Variants in KPNA1 observed in about 807,000 individuals in gnomAD.
KPNA1 encodes importin subunit alpha-5.
A neutral mutation model predicts 70.5 loss-of-function variants in KPNA1; 10 were observed. The observed-to-expected ratio is 0.14, with a 90% CI of 0.09 to 0.24. The LOEUF is 0.24. Ranked by LOEUF, KPNA1 falls within the 10% of genes least tolerant of loss-of-function variation. The probability of loss-of-function intolerance (pLI) is 1.00; values close to 1 mark genes in which losing one functional copy is unlikely to be tolerated. For missense variants in KPNA1, 397 were observed against 637.9 expected (o/e 0.62, Z 4.07); for synonymous variants, 192 against 221.9 (o/e 0.87, Z 1.20).
chr3:122,433,881 T>C, intron 11 of KPNA1, 93 bp from the exon 12 acceptor site: 1 of 898,292 alleles, frequency 1.1e-6, no homozygotes, highest in Non-Finnish European at 1.7e-6. Flanking sequence ...GTTTGACTAT[T>C]AACACCCCTT....
At chr3:122,427,264 T>C in intron 13 of KPNA1, 92 bp from the exon 14 acceptor site, 1 of 937,324 alleles carries the variant, frequency 1.1e-6, no homozygotes, top group Middle Eastern at 2.3e-4. Flanking sequence ...TATTTTGTCA[T>C]ATATCTCTGT....
In KPNA1 at chr3:122,434,841, T is replaced by C. The variant is rs567899366; in HGVS notation, c.1123-1053A>G. On this transcript the variant is annotated intron_variant, in intron 11 of 13. Coordinates refer to ENST00000344337, the MANE Select transcript of KPNA1 (RefSeq NM_002264.4). ...CATTAAGAAACTGAGAAGTTCTGCA[T>C]AAAAAAGCCTGGTGGTGACAGGCAA... 2.8e-4 allele frequency among the ~76,000 whole-genome samples: 42 copies of C among 152,300 alleles called. No individual in the cohort carries two copies. The South Asian group carries it at 4.8e-3, about 17-fold the overall frequency.
intron 6 of KPNA1, 142 bp downstream of exon 6, chr3:122,453,728 G>A: frequency 1.6e-6 from 1 of 634,388 alleles, no homozygotes; most frequent in East Asian, 3.1e-5. Context: ...GTAGAGACGG[G>A]ATTTCACCAT....
intron 12 of KPNA1, among the ~76,000 whole-genome samples, chr3:122,432,119 G>C (rs1380947900): frequency 6.6e-6 from 1 of 152,128 alleles, no homozygotes; most frequent in Non-Finnish European, 1.5e-5. Flanking sequence ...TTTCAATTAA[G>C]AAAATATATT....
At chr3:122,465,226 C>T (rs1009920134) in intron 3 of KPNA1, among the ~76,000 whole-genome samples, 25 of 152,194 alleles carry the variant, frequency 1.6e-4, no homozygotes, top group African/African-American at 6.0e-4. Context: ...AAAGATGTGC[C>T]TCAACTTACA....
intron 2 of KPNA1, among the ~76,000 whole-genome samples, chr3:122,474,099 C>T (rs1396278261): frequency 1.3e-5 from 2 of 152,088 alleles, no homozygotes; most frequent in Non-Finnish European, 2.9e-5. Context: ...GTGTCATTTA[C>T]ATTACACTCC....
At chr3:122,449,853 T>G in intron 8 of KPNA1, 116 bp from the exon 9 acceptor site, 1 of 725,790 alleles carries the variant, frequency 1.4e-6, no homozygotes. Context: ...GATTTACACT[T>G]CTAAAGATGA....
chr3:122,512,290 T>C (rs2076963209), intron 1 of KPNA1, among the ~76,000 whole-genome samples: 1 of 151,990 alleles, frequency 6.6e-6, no homozygotes, highest in Non-Finnish European at 1.5e-5. Flanking sequence ...AACCAATACA[T>C]AAATTAGAAA....
intron 5 of KPNA1, chr3:122,460,218 C>G: frequency 1.0e-6 from 1 of 985,264 alleles, no homozygotes; most frequent in Non-Finnish European, 1.2e-6. Context: ...TTGGTTACTC[C>G]AGGGAAGTTT....
At chr3:122,511,849 A>C (rs2076958401) in intron 1 of KPNA1, among the ~76,000 whole-genome samples, 1 of 152,252 alleles carries the variant, frequency 6.6e-6, no homozygotes. Flanking sequence ...TCATACATCT[A>C]AAAACAATCT....
chr3:122,485,300 G>A (rs2076616968), intron 2 of KPNA1, among the ~76,000 whole-genome samples: 1 of 152,106 alleles, frequency 6.6e-6, no homozygotes, highest in Non-Finnish European at 1.5e-5. Flanking sequence ...CAGCCAGCAT[G>A]GTATTTAAGC....
intron 5 of KPNA1, among the ~76,000 whole-genome samples, chr3:122,459,070 T>C (rs142192803): frequency 7.9e-5 from 12 of 152,300 alleles, no homozygotes; most frequent in East Asian, 7.7e-4. Context: ...GGAGTTTACA[T>C]AGAAGCAAAT....
intron 2 of KPNA1, chr3:122,483,091 C>CA (rs138583687): frequency 2.6e-5 from 4 of 155,622 alleles, no homozygotes; most frequent in Non-Finnish European, 4.4e-5. Flanking sequence ...GACAGGAAAC[C>CA]AAAAAAGGCA....
intron 1 of KPNA1, among the ~76,000 whole-genome samples, chr3:122,514,167 A>G (rs1411796719): frequency 6.6e-6 from 1 of 151,774 alleles, no homozygotes; most frequent in Non-Finnish European, 1.5e-5. Flanking sequence ...CAGCCGCTCC[A>G]GGCCCATGTT....
intron 2 of KPNA1, among the ~76,000 whole-genome samples, chr3:122,483,903 A>G (rs910692883): frequency 6.6e-6 from 1 of 152,226 alleles, no homozygotes; most frequent in Non-Finnish European, 1.5e-5. Context: ...ACAAAATGGC[A>G]ATATGGAATC....
At chr3:122,456,692 A>G (rs2076268518) in intron 5 of KPNA1, among the ~76,000 whole-genome samples, 1 of 152,210 alleles carries the variant, frequency 6.6e-6, no homozygotes, top group African/African-American at 2.4e-5. Context: ...AGATGGTAAA[A>G]AAAAGAAATT....
At chr3:122,500,245 C>T in intron 1 of KPNA1, among the ~76,000 whole-genome samples, 1 of 152,016 alleles carries the variant, frequency 6.6e-6, no homozygotes, top group East Asian at 1.9e-4. Context: ...CCTCAGCCTC[C>T]TGAGTAGCTG....
intron 2 of KPNA1, among the ~76,000 whole-genome samples, chr3:122,479,152 AAAT>A (rs1470549059): frequency 6.6e-6 from 1 of 152,188 alleles, no homozygotes; most frequent in African/African-American, 2.4e-5. Flanking sequence ...CTGGTAGCCA[AAAT>A]ATATAAAAAA....
At chr3:122,512,466 A>T (rs1033738158) in intron 1 of KPNA1, among the ~76,000 whole-genome samples, 2 of 152,248 alleles carry the variant, frequency 1.3e-5, no homozygotes, top group African/African-American at 2.4e-5. Context: ...TCATGCCTGT[A>T]ATCCTAGAAC....
Sources: allele counts gnomAD v4.1 joint callset (sites outside exome capture counted in the v4.1 genomes callset), GRCh38; gene constraint gnomAD v4.1.1; transcripts MANE v1.5; gene names NCBI Gene and HGNC (gene_info 2026-07-23, HGNC 2026-07-21).